Variants in TNR observed in about 807,000 individuals in gnomAD.
TNR encodes the protein tenascin R.
In TNR, 45 loss-of-function variants were observed where a neutral mutation model predicts 150.4. The observed-to-expected ratio is 0.30, with a 90% CI of 0.24 to 0.38. The LOEUF is 0.38. Among genes scored for constraint, TNR ranks in the 10% least tolerant of loss-of-function variants. The pLI is 1.00. For missense variants in TNR, 1,544 were observed against 1,759.1 expected (o/e 0.88, Z 2.19); for synonymous variants, 687 against 678.4 (o/e 1.01, Z -0.20).
intron 20 of TNR, among the ~76,000 whole-genome samples, chr1:175,334,191 A>G (rs966065502): frequency 2.6e-5 from 4 of 152,218 alleles, no homozygotes; most frequent in African/African-American, 9.7e-5. Flanking sequence ...CATGACAGTG[A>G]GAGAAATCTA....
At chr1:175,437,350 C>A in intron 2 of TNR, among the ~76,000 whole-genome samples, 1 of 152,122 alleles carries the variant, frequency 6.6e-6, no homozygotes, top group Non-Finnish European at 1.5e-5. Flanking sequence ...ACACAACTTA[C>A]CAGAATCTCT....
intron 20 of TNR, among the ~76,000 whole-genome samples, chr1:175,331,069 CTTTCTTTCCT>C (rs1557867956): frequency 2.2e-4 from 28 of 127,540 alleles, no homozygotes; most frequent in Admixed American, 7.6e-4. Context: ...TTCTTTCTTT[CTTTCTTTCCT>C]TCTTTCTTTC....
rs370850074 is a variant in TNR, at chr1:175,593,146, T to C, written c.-164-64777A>G. Among the ~76,000 whole-genome samples, 44 of 152,344 alleles carry C rather than the reference T, an allele frequency of 2.9e-4. No homozygotes were observed. The East Asian group carries it at 7.1e-3, about 25-fold the overall frequency. On this transcript the variant is annotated intron_variant, in intron 1 of 22. Coordinates refer to ENST00000367674, the MANE Select transcript of TNR (RefSeq NM_003285.3). ...TGGAAGGGCATTAAGAGTAGCAATC[T>C]GGTTGGGAGGCAGCAGGTGTAGGGA...
chr1:175,387,711 A>G (rs966305586), intron 7 of TNR, among the ~76,000 whole-genome samples: 16 of 152,094 alleles, frequency 1.1e-4, no homozygotes, highest in African/African-American at 3.9e-4. Flanking sequence ...GTTACTGGAG[A>G]GCCTTGGCTA....
At chr1:175,529,313 G>A (rs980899697) in intron 1 of TNR, among the ~76,000 whole-genome samples, 1 of 152,242 alleles carries the variant, frequency 6.6e-6, no homozygotes, top group Non-Finnish European at 1.5e-5. Flanking sequence ...TTTGGCTGAG[G>A]TAGAGGCTTG....
intron 1 of TNR, among the ~76,000 whole-genome samples, chr1:175,728,954 C>A (rs777937105): frequency 6.6e-6 from 1 of 152,088 alleles, no homozygotes; most frequent in Admixed American, 6.6e-5. Flanking sequence ...GTGATGAAGC[C>A]GGGGTCTGAA....
chr1:175,551,711 T>C (rs1660946104), intron 1 of TNR, among the ~76,000 whole-genome samples: 1 of 152,214 alleles, frequency 6.6e-6, no homozygotes, highest in South Asian at 2.1e-4. Context: ...GGACAACCAA[T>C]AAGTTATAGA....
rs369896849 is a variant in TNR at position 175,663,645 on chromosome 1, AG to A, written c.-165+79580del. The stretch of plus-strand genomic sequence containing the variant: ...TATGATATAGTGACTAAAAGGAGGG[AG>A]GGGGAAGTCCTACACTAACTACTCT... On this transcript the variant is annotated intron_variant, in intron 1 of 22. Transcript: ENST00000367674. Among the ~76,000 whole-genome samples the A allele has an allele frequency of 1.7e-3, 263 of 151,862 alleles. 1 individual carries two copies. The highest frequency in any genetic ancestry group is 6.0e-3 in the African/African-American group (246 of 41,166).
Position 175,330,152 on chromosome 1 carries a change from C to T in TNR, c.3715G>A (p.Ala1239Thr), listed in dbSNP as rs755878985. ...TCGACAGAGAACCTGTCGTAGGAGG[C>T]GAAGGCGGCCTCTTGGCCATCCCGC... is the stretch of plus-strand genomic sequence containing the variant. ...DMRDGQEAAFASYDRFSVEDS... is the reference protein window; with the variant it reads ...DMRDGQEAAFTSYDRFSVEDS... The change falls in exon 21 of 23, where the codon GCC (alanine) becomes ACC (threonine). Residue 1239 changes from alanine to threonine, a missense_variant. Around this residue, in one of 2 missense-constraint regions of TNR, gnomAD observed 290 missense variants for 429.7 expected, o/e 0.67. Transcript: ENST00000367674. The T allele has an allele frequency of 5.0e-6, 8 of 1,613,490 alleles. No individual in the cohort carries two copies. Among genetic ancestry groups the T allele is most frequent in the African/African-American group, 1.3e-5 (1 of 74,916 alleles).
chr1:175,355,069 C>G (rs1278156840), intron 17 of TNR, among the ~76,000 whole-genome samples: 1 of 152,158 alleles, frequency 6.6e-6, no homozygotes, highest in African/African-American at 2.4e-5. Context: ...GCATAAAAGC[C>G]TATTGAATTT....
intron 9 of TNR, among the ~76,000 whole-genome samples, chr1:175,373,439 C>T (rs1274209267): frequency 6.6e-6 from 1 of 152,182 alleles, no homozygotes; most frequent in Non-Finnish European, 1.5e-5. Flanking sequence ...ACACTTATCT[C>T]TTTGGATAAT....
intron 9 of TNR, among the ~76,000 whole-genome samples, chr1:175,370,418 C>T (rs6692997): frequency 0.025 from 3,533 of 141,124 alleles, 149 homozygotes; most frequent in African/African-American, 0.089. Context: ...AAGTACAGGC[C>T]GGTCCTGGGT....
chr1:175,731,005 A>G (rs1667623520), intron 1 of TNR, among the ~76,000 whole-genome samples: 1 of 152,214 alleles, frequency 6.6e-6, no homozygotes. Flanking sequence ...CTTGGCCTCT[A>G]TAGCATTCAG....
At chr1:175,428,029 TCTTTTTGTAG>T (rs1655094008) in intron 2 of TNR, among the ~76,000 whole-genome samples, 3 of 152,228 alleles carry the variant, frequency 2.0e-5, no homozygotes, top group South Asian at 2.1e-4. Context: ...AAAAATCCTA[TCTTTTTGTAG>T]CTTTCAGGAA....
At position 175,727,603 on chromosome 1, in the gene TNR, G is replaced by A. The variant is rs114140942; in HGVS notation, c.-165+15623C>T. On this transcript the variant is annotated intron_variant, in intron 1 of 22. Coordinates refer to ENST00000367674, the MANE Select transcript of TNR (RefSeq NM_003285.3). Reference sequence around the variant, plus strand: ...ATCAGAACACATTTCTATGCTTACAGAAAAATAAAGCAGTAAGGGAGAAAT... The same window carrying A: ...ATCAGAACACATTTCTATGCTTACAAAAAAATAAAGCAGTAAGGGAGAAAT... Among the ~76,000 whole-genome samples, 874 of 152,320 alleles carry A rather than the reference G, an allele frequency of 5.7e-3. 4 individuals are homozygous for A. The highest frequency in any genetic ancestry group is 9.0e-3 in the Non-Finnish European group (613 of 68,020).
chr1:175,523,611 C>T (rs571971527), intron 2 of TNR, among the ~76,000 whole-genome samples: 8 of 152,258 alleles, frequency 5.3e-5, no homozygotes, highest in Admixed American at 1.3e-4. Flanking sequence ...TCATGGAGAA[C>T]GGAGGAGATT....
intron 10 of TNR, 79 bp downstream of exon 10, chr1:175,367,129 T>G: frequency 2.3e-6 from 3 of 1,326,582 alleles, no homozygotes; most frequent in South Asian, 1.2e-5. Flanking sequence ...TCTGATTAAT[T>G]TTTGCTGGGA....
chr1:175,526,073 G>C (rs1299118500), intron 2 of TNR, among the ~76,000 whole-genome samples: 1 of 151,894 alleles, frequency 6.6e-6, no homozygotes, highest in Admixed American at 6.6e-5. Context: ...TGACGGAAGG[G>C]TATTAAGTTG....
chr1:175,561,049 T>C (rs1306977504), intron 1 of TNR, among the ~76,000 whole-genome samples: 1 of 152,352 alleles, frequency 6.6e-6, no homozygotes, highest in Admixed American at 6.5e-5. Flanking sequence ...CCTTCCTTGT[T>C]CTTCTAATTC....
Sources: gnomAD v4.1 joint callset for allele counts (sites outside exome capture counted in the v4.1 genomes callset) on GRCh38, gnomAD v4.1.1 for gene constraint, gnomAD v4.1.1 regional missense constraint, MANE v1.5 for transcripts, NCBI Gene and HGNC (gene_info 2026-07-23, HGNC 2026-07-21) for gene names.